C7orf57: variants seen among roughly 807,000 people sequenced by gnomAD.
C7orf57 encodes the protein uncharacterized protein C7orf57.
In C7orf57, 33 loss-of-function variants were observed where a neutral mutation model predicts 39.0. That is an observed-to-expected ratio of 0.85 (90% confidence interval 0.64 to 1.13). The LOEUF (loss-of-function observed/expected upper bound fraction) is 1.13. Among genes scored for constraint, C7orf57 ranks in the 50% most tolerant of loss-of-function variants. The pLI, the probability that C7orf57 is intolerant of heterozygous loss-of-function variation, is 0.00. For missense variants in C7orf57, 346 were observed against 362.3 expected (o/e 0.95, Z 0.37); for synonymous variants, 124 against 137.1 (o/e 0.90, Z 0.67).
chr7:48,056,197 C>T (rs1336757428), intron 8 of C7orf57, among the ~76,000 whole-genome samples: 3 of 152,118 alleles, frequency 2.0e-5, no homozygotes, highest in African/African-American at 7.2e-5. Flanking sequence ...TTTTCATTTG[C>T]ATTTCCCTGA....
chr7:48,035,565 C>T lies in C7orf57; in HGVS notation c.-167C>T. 2.9e-6 allele frequency: 2 copies of T among 697,880 alleles called. No homozygotes were observed. The highest frequency in any genetic ancestry group is 5.2e-6 in the Non-Finnish European group (2 of 383,290). 43.2% of individuals were successfully genotyped at this position (697,880 alleles called of 1,614,324 possible). A position where few individuals can be genotyped will look rare whatever the true frequency, so the allele number is the denominator to read the frequency against. On this transcript the variant is annotated 5_prime_UTR_variant, in exon 1 of 9. Coordinates refer to ENST00000348904, the MANE Select transcript of C7orf57 (RefSeq NM_001100159.3). The surrounding 1 kb of genome is among the most constrained non-coding windows in gnomAD (Gnocchi z 4.0). ...TTTGGGTTTGGTTGGCTGCAGCCAG[C>T]CAGCCGTGTAAAAACTCCAACGCCG...
Position 48,060,282 on chromosome 7 carries a change from C to T in C7orf57, c.*10C>T. On this transcript the variant is annotated 3_prime_UTR_variant, in exon 9 of 9. Transcript: ENST00000348904. ...AGCAGAGCTCAAATAAATCCTGATG[C>T]AATATGTATTTAGGATAATTTTTAA... The T allele has an allele frequency of 6.6e-7, 1 of 1,509,562 alleles. No homozygotes were observed. The highest frequency in any genetic ancestry group is 1.3e-5 in the South Asian group (1 of 78,454). 93.5% of individuals were successfully genotyped at this position (1,509,562 alleles called of 1,614,324 possible). A position where few individuals can be genotyped will look rare whatever the true frequency, so the allele number is the denominator to read the frequency against.
intron 2 of C7orf57, among the ~76,000 whole-genome samples, chr7:48,039,177 A>G (rs1194385070): frequency 6.6e-6 from 1 of 152,206 alleles, no homozygotes; most frequent in Non-Finnish European, 1.5e-5. Flanking sequence ...CACAAGAGAC[A>G]GCTTTGTAGG....
Position 48,046,403 on chromosome 7 carries a change from G to C in C7orf57, c.351-57G>C, listed in dbSNP as rs146888848. On this transcript the variant is annotated intron_variant, in intron 4 of 8. Coordinates refer to ENST00000348904, the MANE Select transcript of C7orf57 (RefSeq NM_001100159.3). ...GAGCCAGCGATGGAGATGGAAGGAA[G>C]GGAGGGAGTGGAAATGGCTCTGAGC... The C allele has an allele frequency of 4.8e-4, 730 of 1,532,878 alleles. No homozygotes were observed. The African/African-American group carries it at 8.8e-3, about 19-fold the overall frequency. The allele number at this position is 1,532,878 out of a possible 1,614,324, so 95.0% of individuals were successfully genotyped here.
intron 4 of C7orf57, 95 bp downstream of exon 4, chr7:48,043,684 G>C: frequency 1.1e-6 from 1 of 942,602 alleles, no homozygotes; most frequent in South Asian, 1.4e-5. Flanking sequence ...AATAGTGGTA[G>C]CAAGCATGTG....
chr7:48,054,905 CTCGCTCTG>C (rs890694641), intron 8 of C7orf57, among the ~76,000 whole-genome samples: 1 of 151,594 alleles, frequency 6.6e-6, no homozygotes, highest in Non-Finnish European at 1.5e-5. Flanking sequence ...GAGATGGAGT[CTCGCTCTG>C]TCGCCCAGGC....
chr7:48,057,021 C>G (rs974706253), intron 8 of C7orf57, among the ~76,000 whole-genome samples: 2 of 149,496 alleles, frequency 1.3e-5, no homozygotes, highest in Non-Finnish European at 3.0e-5. Flanking sequence ...TTTGCTTACT[C>G]TAGCTTTGTA....
At chr7:48,046,373 A>T in intron 4 of C7orf57, 87 bp from the exon 5 acceptor site, 1 of 1,265,032 alleles carries the variant, frequency 7.9e-7, no homozygotes, top group Non-Finnish European at 1.1e-6. Flanking sequence ...AGGGAGGGAA[A>T]GGGAGAGCCA....
chr7:48,047,014 A>T (rs1395211445), intron 5 of C7orf57, among the ~76,000 whole-genome samples: 1 of 152,212 alleles, frequency 6.6e-6, no homozygotes, highest in East Asian at 1.9e-4. Context: ...TAATAAAGGA[A>T]GAGAAGATGA....
rs760289519 is a variant in C7orf57, at chr7:48,052,799, C to T, written c.705C>T (p.Asp235=). The change falls in exon 7 of 9, where the codon GAC becomes GAT. Residue 235 remains aspartate (D), a synonymous_variant. Coordinates refer to ENST00000348904, the MANE Select transcript of C7orf57 (RefSeq NM_001100159.3). The stretch of plus-strand genomic sequence containing the variant: ...AGCAGCAGCAGCGAGCTGACTCAGA[C>T]AAGAGGACCCCGAAGACCTCCAGGG... The part of the protein sequence containing the change: ...WLQQQQRADS[D]KRTPKTSRAS... The T allele has an allele frequency of 1.2e-6, 2 of 1,613,884 alleles. No individual in the cohort carries two copies. The highest frequency in any genetic ancestry group is 1.1e-5 in the South Asian group (1 of 91,094).
In C7orf57 at chr7:48,041,418, T is replaced by C. The variant is rs1790545156; in HGVS notation, c.140T>C (p.Leu47Ser). The C allele has an allele frequency of 6.2e-7, 1 of 1,613,834 alleles. No homozygotes were observed. The highest frequency in any genetic ancestry group is 1.7e-5 in the Admixed American group (1 of 60,000). The change falls in exon 3 of 9, where the codon TTG becomes TCG. Residue 47 changes from leucine to serine, a missense_variant. Physicochemically the swap from Leu to Ser is moderately radical, Grantham distance 145 (BLOSUM62 -2). Coordinates refer to ENST00000348904, the MANE Select transcript of C7orf57 (RefSeq NM_001100159.3). ...PASQIPGLSNLGDSHSENLPG... is the reference protein window; with the variant it reads ...PASQIPGLSNSGDSHSENLPG... The stretch of plus-strand genomic sequence containing the variant: ...TCCCAGATCCCAGGTCTCAGCAATT[T>C]GGGAGACTCACACAGCGAGAACCTG...
At chr7:48,038,956 G>A (rs1391104511) in intron 2 of C7orf57, among the ~76,000 whole-genome samples, 2 of 152,114 alleles carry the variant, frequency 1.3e-5, no homozygotes, top group African/African-American at 4.8e-5. Flanking sequence ...ACACGGAATC[G>A]ATAGAAAGGA....
At chr7:48,056,933 T>G (rs1791132380) in intron 8 of C7orf57, among the ~76,000 whole-genome samples, 1 of 152,166 alleles carries the variant, frequency 6.6e-6, no homozygotes, top group Admixed American at 6.5e-5. Flanking sequence ...GAAAATTAAT[T>G]GACTGTTAAT....
chr7:48,059,451 A>C (rs780307291), intron 8 of C7orf57, among the ~76,000 whole-genome samples: 22 of 152,174 alleles, frequency 1.4e-4, no homozygotes, highest in Non-Finnish European at 2.4e-4. Flanking sequence ...CCTGGGCTCA[A>C]GTGATCCTTC....
At chr7:48,051,408 C>T (rs954930683) in intron 6 of C7orf57, among the ~76,000 whole-genome samples, 6 of 134,146 alleles carry the variant, frequency 4.5e-5, no homozygotes, top group East Asian at 4.5e-4. Flanking sequence ...TGGAGTGCAG[C>T]GGCGCAATCT....
intron 8 of C7orf57, among the ~76,000 whole-genome samples, chr7:48,058,336 T>C (rs1016060326): frequency 6.6e-6 from 1 of 152,182 alleles, no homozygotes; most frequent in African/African-American, 2.4e-5. Flanking sequence ...TGGGCTTTTC[T>C]GTGATGGGAG....
chr7:48,048,950 A>T (rs1202320971), intron 5 of C7orf57, among the ~76,000 whole-genome samples: 2 of 151,624 alleles, frequency 1.3e-5, no homozygotes, highest in African/African-American at 4.9e-5. Flanking sequence ...AACATTCCAA[A>T]CTCCTCCCTG....
chr7:48,059,236 G>C (rs917059992), intron 8 of C7orf57, among the ~76,000 whole-genome samples: 1 of 152,124 alleles, frequency 6.6e-6, no homozygotes, highest in African/African-American at 2.4e-5. Context: ...GTCCCTCATG[G>C]TTTTAACTTT....
In C7orf57 at chr7:48,035,713, G is replaced by A. The variant is rs1790331321; in HGVS notation, c.-102+83G>A. Reference sequence around the variant, plus strand: ...CCACTGTGCGGAGCTCGCAGTGCGGGCAGTGCGCGCCGGGGCTGGAGGGAG... The same window carrying A: ...CCACTGTGCGGAGCTCGCAGTGCGGACAGTGCGCGCCGGGGCTGGAGGGAG... On this transcript the variant is annotated intron_variant, in intron 1 of 8. Transcript: ENST00000348904. The surrounding 1 kb of genome is among the most constrained non-coding windows in gnomAD (Gnocchi z 4.0). 2 of 588,444 alleles carry A rather than the reference G, an allele frequency of 3.4e-6. No individual in the cohort carries two copies. The highest frequency in any genetic ancestry group is 4.4e-4 in the Middle Eastern group (1 of 2,266). The allele number at this position is 588,444 out of a possible 1,614,324, so 36.5% of individuals were successfully genotyped here.
Sources: allele counts gnomAD v4.1 joint callset (sites outside exome capture counted in the v4.1 genomes callset), GRCh38; gene constraint gnomAD v4.1.1; non-coding constraint Gnocchi (gnomAD v3.1); transcripts MANE v1.5; gene names NCBI Gene and HGNC (gene_info 2026-07-23, HGNC 2026-07-21).